CNNM2: variants seen among roughly 807,000 people sequenced by gnomAD.
CNNM2 encodes metal transporter CNNM2.
In CNNM2, 12 loss-of-function variants were observed where a neutral mutation model predicts 66.9. That is an observed-to-expected ratio of 0.18 (90% CI 0.11 to 0.29). The LOEUF is 0.29. Among genes scored for constraint, CNNM2 ranks in the 10% least tolerant of loss-of-function variants. The probability of loss-of-function intolerance (pLI) is 1.00; values close to 1 mark genes in which losing one functional copy is unlikely to be tolerated. For synonymous variants in CNNM2, 557 were observed against 501.8 expected (o/e 1.11, Z -1.47); for missense variants, 705 against 1,167.7 (o/e 0.60, Z 5.77).
At chr10:103,020,870 G>A (rs2064561528) in intron 1 of CNNM2, among the ~76,000 whole-genome samples, 1 of 152,138 alleles carries the variant, frequency 6.6e-6, no homozygotes, top group Non-Finnish European at 1.5e-5. Flanking sequence ...GGAGGGATCT[G>A]TAAAGATATA....
intron 1 of CNNM2, among the ~76,000 whole-genome samples, chr10:103,002,619 A>G (rs2064143130): frequency 6.6e-6 from 1 of 151,784 alleles, no homozygotes; most frequent in Non-Finnish European, 1.5e-5. Flanking sequence ...AGCTGGGATT[A>G]CAGGCATGCG....
chr10:103,022,880 A>C (rs2064615715), intron 1 of CNNM2, among the ~76,000 whole-genome samples: 1 of 151,954 alleles, frequency 6.6e-6, no homozygotes, highest in South Asian at 2.1e-4. Flanking sequence ...AGAGAGAGCA[A>C]GAGAAAGGAG....
At position 103,086,281 on chromosome 10, in the gene CNNM2, C is replaced by T. The variant is rs1014772880; in HGVS notation, c.*9101C>T. On this transcript the variant is annotated 3_prime_UTR_variant, in exon 8 of 8. Coordinates refer to ENST00000369878, the MANE Select transcript of CNNM2 (RefSeq NM_017649.5). ...TTCCCTGATCACCACTAAAGATCAT[C>T]ATGAGAAACATAAGTATTTGAGCCC... The T allele has an allele frequency of 6.6e-6, 1 of 152,180 alleles. No homozygotes were observed. Among genetic ancestry groups the T allele is most frequent in the African/African-American group, 2.4e-5 (1 of 41,450 alleles). 9.4% of individuals were successfully genotyped at this position (152,180 alleles called of 1,614,324 possible).
chr10:103,048,919 G>A (rs374399394), intron 1 of CNNM2, among the ~76,000 whole-genome samples: 5 of 152,102 alleles, frequency 3.3e-5, no homozygotes, highest in South Asian at 2.1e-4. Context: ...GCAGTGGCTC[G>A]ATCATAGCTC....
chr10:103,052,809 C>G (rs1280713217), intron 2 of CNNM2, among the ~76,000 whole-genome samples: 1 of 152,130 alleles, frequency 6.6e-6, no homozygotes, highest in Non-Finnish European at 1.5e-5. Context: ...CGTGCCTGGC[C>G]GATTTCAGGT....
rs2066026329 is a variant in CNNM2 at position 103,088,814 on chromosome 10, G to GTC, written c.*11634_*11635insTC. ...TTTAATATACAGCAATCAACTCTTA[G>GTC]AGGACAAAGAAATCTGGAATTGGGT... On this transcript the variant is annotated 3_prime_UTR_variant, in exon 8 of 8. Coordinates refer to ENST00000369878, the MANE Select transcript of CNNM2 (RefSeq NM_017649.5). 5.3e-6 allele frequency: 1 copy of GTC among 190,300 alleles called. No individual in the cohort carries two copies. The highest frequency in any genetic ancestry group is 1.1e-5 in the Non-Finnish European group (1 of 90,740). The allele number at this position is 190,300 out of a possible 1,614,324, so 11.8% of individuals were successfully genotyped here.
At chr10:102,980,759 A>G (rs910854736) in intron 1 of CNNM2, among the ~76,000 whole-genome samples, 1 of 152,210 alleles carries the variant, frequency 6.6e-6, no homozygotes, top group African/African-American at 2.4e-5. Context: ...TCTTAAACCA[A>G]TGTGTTCAGT....
chr10:102,992,300 G>A (rs923959350), intron 1 of CNNM2, among the ~76,000 whole-genome samples: 5 of 59,362 alleles, frequency 8.4e-5, no homozygotes, highest in African/African-American at 2.4e-4. Context: ...TTGAGATGCA[G>A]TTTGCTCTCT....
intron 1 of CNNM2, among the ~76,000 whole-genome samples, chr10:102,979,088 T>G (rs1040953160): frequency 1.3e-5 from 2 of 152,192 alleles, no homozygotes; most frequent in South Asian, 2.1e-4. Flanking sequence ...GCTTGGACAT[T>G]CTAGTACGAG....
chr10:103,064,046 G>A (rs1421499311), intron 4 of CNNM2, among the ~76,000 whole-genome samples: 2 of 152,166 alleles, frequency 1.3e-5, no homozygotes, highest in Non-Finnish European at 2.9e-5. Context: ...AAATCCTATA[G>A]AGAGGGATGT....
chr10:102,925,304 A>AG, intron 1 of CNNM2, among the ~76,000 whole-genome samples: 1 of 145,420 alleles, frequency 6.9e-6, no homozygotes, highest in South Asian at 2.1e-4. Context: ...CTCAAAAAAA[A>AG]AAAAAAAAAA....
At chr10:103,060,596 T>C (rs1016154729) in intron 4 of CNNM2, among the ~76,000 whole-genome samples, 2 of 152,170 alleles carry the variant, frequency 1.3e-5, no homozygotes, top group African/African-American at 2.4e-5. Flanking sequence ...TATTAAAAAA[T>C]ACTAAGTCAT....
In CNNM2 at chr10:103,089,400, A is replaced by T. The variant is rs918238311; in HGVS notation, c.*12220A>T. The T allele has an allele frequency of 8.9e-6, 3 of 337,508 alleles. No individual in the cohort carries two copies. The highest frequency in any genetic ancestry group is 6.3e-5 in the African/African-American group (3 of 47,836). 20.9% of individuals were successfully genotyped at this position (337,508 alleles called of 1,614,324 possible). The stretch of plus-strand genomic sequence containing the variant: ...GATGATTTTAAAAGTGTCACAAGCC[A>T]CAGTGGAGCCATATACATGCAGTTC... On this transcript the variant is annotated 3_prime_UTR_variant, in exon 8 of 8. Transcript: ENST00000369878.
chr10:103,000,218 A>C (rs2064090898), intron 1 of CNNM2, among the ~76,000 whole-genome samples: 1 of 151,552 alleles, frequency 6.6e-6, no homozygotes, highest in African/African-American at 2.4e-5. Flanking sequence ...CGTGTGTGAC[A>C]AGAGCGAAAC....
intron 1 of CNNM2, among the ~76,000 whole-genome samples, chr10:103,028,232 C>A (rs2064744228): frequency 6.6e-6 from 1 of 152,222 alleles, no homozygotes; most frequent in Non-Finnish European, 1.5e-5. Flanking sequence ...TGGTCTGTTT[C>A]TAAGGTTCTT....
intron 1 of CNNM2, among the ~76,000 whole-genome samples, chr10:102,977,518 A>T (rs1021541311): frequency 2.6e-5 from 4 of 152,246 alleles, no homozygotes; most frequent in Non-Finnish European, 5.9e-5. Flanking sequence ...TTGTGAAAAA[A>T]TTTTTAAAAA....
rs1386231136 is a variant in CNNM2 at position 102,919,653 on chromosome 10, C to T, written c.1173C>T (p.Tyr391=). 1.9e-6 allele frequency: 3 copies of T among 1,614,200 alleles called. No individual in the cohort carries two copies. The highest frequency in any genetic ancestry group is 2.5e-6 in the Non-Finnish European group (3 of 1,180,046). Residue 391 remains tyrosine, a synonymous_variant, in exon 1 of 8, where the codon TAC becomes TAT. Coordinates refer to ENST00000369878, the MANE Select transcript of CNNM2 (RefSeq NM_017649.5). ...FFMMMTFPAS[Y]PVSKLLDCVL... ...TGATGATGACCTTCCCCGCTTCCTA[C>T]CCGGTCAGCAAGCTGCTGGACTGCG...
intron 1 of CNNM2, among the ~76,000 whole-genome samples, chr10:103,028,183 G>A (rs1039261924): frequency 1.8e-4 from 27 of 152,336 alleles, no homozygotes; most frequent in Middle Eastern, 6.8e-3. Flanking sequence ...GCTTAAGACA[G>A]TTTGTCATTT....
Position 102,943,572 on chromosome 10 carries a change from T to G in CNNM2, c.1621+23471T>G, listed in dbSNP as rs573323298. Among the ~76,000 whole-genome samples, 16 of 152,334 alleles carry G rather than the reference T, an allele frequency of 1.1e-4. 1 individual carries two copies. In the South Asian group the frequency reaches 3.3e-3, roughly 32 times the overall value. Reference sequence around the variant, plus strand: ...TTCTAAATTGAGCAGGCATTACTTTTATTATTTAGGAAAAAAACGCACAAA... The same window carrying G: ...TTCTAAATTGAGCAGGCATTACTTTGATTATTTAGGAAAAAAACGCACAAA... On this transcript the variant is annotated intron_variant, in intron 1 of 7. Coordinates refer to ENST00000369878, the MANE Select transcript of CNNM2 (RefSeq NM_017649.5).
Sources: allele counts gnomAD v4.1 joint callset (sites outside exome capture counted in the v4.1 genomes callset), GRCh38; gene constraint gnomAD v4.1.1; transcripts MANE v1.5; gene names NCBI Gene and HGNC (gene_info 2026-07-23, HGNC 2026-07-21).